The following PDS5B variants were observed in gnomAD, a reference collection of about 807,000 sequenced individuals.
PDS5B encodes sister chromatid cohesion protein PDS5 homolog B.
A neutral mutation model predicts 184.1 loss-of-function variants in PDS5B; 51 were observed. The ratio of observed to expected loss-of-function variants is 0.28; its 90% CI spans 0.22 to 0.35. The LOEUF (loss-of-function observed/expected upper bound fraction) is 0.35, where lower values mean the gene tolerates loss of function less well. PDS5B is among the 10% of genes least tolerant of loss of function. PDS5B has a pLI of 1.00. For missense variants in PDS5B, 1,180 were observed against 1,723.3 expected (o/e 0.68, Z 5.58); for synonymous variants, 566 against 569.2 (o/e 0.99, Z 0.08).
chr13:32,745,856 C>A, intron 23 of PDS5B, 121 bp from the exon 24 acceptor site: 3 of 763,376 alleles, frequency 3.9e-6, no homozygotes, highest in South Asian at 1.8e-5. Flanking sequence ...CACAAACATT[C>A]AGATCACAGC....
intron 19 of PDS5B, among the ~76,000 whole-genome samples, chr13:32,711,797 T>C (rs116072203): frequency 2.0e-3 from 309 of 152,364 alleles, no homozygotes; most frequent in African/African-American, 7.3e-3. Flanking sequence ...CACACATATG[T>C]AGTACGTATA....
intron 6 of PDS5B, among the ~76,000 whole-genome samples, chr13:32,661,948 T>C (rs1160424482): frequency 1.3e-5 from 2 of 152,128 alleles, no homozygotes; most frequent in Non-Finnish European, 2.9e-5. Flanking sequence ...AGTTTGAACT[T>C]TAAATGAACC....
chr13:32,594,496 T>C (rs892378320), intron 1 of PDS5B, among the ~76,000 whole-genome samples: 2 of 152,170 alleles, frequency 1.3e-5, no homozygotes, highest in Non-Finnish European at 2.9e-5. Flanking sequence ...AGTTAGTGCC[T>C]TCAGGAAGGG....
At chr13:32,626,201 G>A (rs1035957859) in intron 1 of PDS5B, among the ~76,000 whole-genome samples, 1 of 152,180 alleles carries the variant, frequency 6.6e-6, no homozygotes, top group African/African-American at 2.4e-5. Flanking sequence ...AAGGTCTGGG[G>A]CACCATAATC....
intron 17 of PDS5B, among the ~76,000 whole-genome samples, chr13:32,702,105 C>T (rs370257155): frequency 1.6e-4 from 24 of 152,070 alleles, no homozygotes; most frequent in African/African-American, 5.8e-4. Flanking sequence ...ACTAGTTAGT[C>T]ATCAGTAGTG....
At chr13:32,670,879 A>G (rs1339128453) in intron 7 of PDS5B, among the ~76,000 whole-genome samples, 1 of 152,206 alleles carries the variant, frequency 6.6e-6, no homozygotes, top group Non-Finnish European at 1.5e-5. Flanking sequence ...TTTAATGTGA[A>G]ATATTTTGTA....
intron 15 of PDS5B, among the ~76,000 whole-genome samples, chr13:32,699,302 C>T (rs1048819349): frequency 1.3e-5 from 2 of 152,110 alleles, no homozygotes; most frequent in African/African-American, 4.8e-5. Flanking sequence ...TGTAAACTCT[C>T]TGGGTTGGTT....
intron 21 of PDS5B, 137 bp downstream of exon 21, chr13:32,735,467 A>G: frequency 1.6e-6 from 1 of 616,724 alleles, no homozygotes; most frequent in Non-Finnish European, 2.7e-6. Context: ...TTTAAAAAAA[A>G]TAAGCCTTGT....
At chr13:32,636,362 A>G (rs1405968454) in intron 1 of PDS5B, among the ~76,000 whole-genome samples, 1 of 152,242 alleles carries the variant, frequency 6.6e-6, no homozygotes, top group Non-Finnish European at 1.5e-5. Context: ...TTACAGAGAT[A>G]GTAGGCAGAA....
chr13:32,677,981 C>G (rs899340822), intron 9 of PDS5B, among the ~76,000 whole-genome samples: 5 of 151,744 alleles, frequency 3.3e-5, no homozygotes, highest in African/African-American at 9.7e-5. Flanking sequence ...TGGAAGAACA[C>G]AGTGCCATCT....
intron 30 of PDS5B, among the ~76,000 whole-genome samples, chr13:32,762,092 T>G (rs1416898619): frequency 7.9e-5 from 12 of 152,212 alleles, no homozygotes; most frequent in Admixed American, 7.9e-4. Context: ...TGGCCATTTG[T>G]CTTCTTTTGA....
chr13:32,602,542 T>C (rs1240485054), intron 1 of PDS5B, among the ~76,000 whole-genome samples: 1 of 152,234 alleles, frequency 6.6e-6, no homozygotes, highest in Non-Finnish European at 1.5e-5. Context: ...TTGTGAATAG[T>C]GCCGCAATAA....
Position 32,753,432 on chromosome 13 carries a change from G to C in PDS5B, c.2837G>C (p.Cys946Ser). ...PLEYMAICAL[C>S]AKDPVKERRA... ...GAGTATATGGCAATCTGTGCCCTTT[G>C]TGCAAAAGATCCTGTAAAGGAGAGA... Residue 946 changes from cysteine (C) to serine (S), a missense_variant, in exon 25 of 35, where the codon TGT (cysteine) becomes TCT (serine). Transcript: ENST00000315596. The C allele has an allele frequency of 6.2e-7, 1 of 1,613,860 alleles. No homozygotes were observed.
intron 19 of PDS5B, among the ~76,000 whole-genome samples, chr13:32,729,025 C>T (rs560379127): frequency 6.6e-6 from 1 of 152,152 alleles, no homozygotes; most frequent in South Asian, 2.1e-4. Flanking sequence ...GTTTACTGCA[C>T]CCATCAACCT....
rs571255746 is a variant in PDS5B at position 32,692,404 on chromosome 13, G to A, written c.1470-1819G>A. ...CTTCTCTTTTATTAAACAAGTTTGC[G>A]TCCAAAAAGCCTTTTTTTTTTTTTT... On this transcript the variant is annotated intron_variant, in intron 13 of 34. Transcript: ENST00000315596. Among the ~76,000 whole-genome samples the A allele has an allele frequency of 3.3e-5, 4 of 121,362 alleles. No homozygotes were observed. In the East Asian group the frequency reaches 9.0e-4, roughly 27 times the overall value. 79.6% of individuals were successfully genotyped at this position (121,362 alleles called of 152,430 possible). A position where few individuals can be genotyped will look rare whatever the true frequency, so the allele number is the denominator to read the frequency against.
intron 12 of PDS5B, 89 bp downstream of exon 12, chr13:32,687,374 T>C: frequency 1.0e-6 from 1 of 966,998 alleles, no homozygotes; most frequent in Non-Finnish European, 1.5e-6. Context: ...CTTTATGACC[T>C]TACACTCCTT....
rs773691423 is a variant in PDS5B at position 32,709,961 on chromosome 13, C to T, written c.1978C>T (p.His660Tyr). ...CATTTTATAGGTACTCTCATTTACA[C>T]ATCCCATCTCATTTCATTCTGCTGA... ...LELLKVLSFT[H>Y]PISFHSAETF... The change falls in exon 19 of 35, where the codon CAT (histidine) becomes TAT (tyrosine). Residue 660 changes from histidine to tyrosine, a missense_variant. Around this residue, in one of 11 missense-constraint regions of PDS5B, gnomAD observed 475 missense variants for 691.5 expected, o/e 0.69. Transcript: ENST00000315596. 6.9e-7 allele frequency: 1 copy of T among 1,450,362 alleles called. No homozygotes were observed. The highest frequency in any genetic ancestry group is 9.2e-7 in the Non-Finnish European group (1 of 1,081,796). 89.8% of individuals were successfully genotyped at this position (1,450,362 alleles called of 1,614,324 possible).
intron 31 of PDS5B, among the ~76,000 whole-genome samples, chr13:32,766,882 C>T (rs1302055919): frequency 6.6e-6 from 1 of 152,070 alleles, no homozygotes; most frequent in Non-Finnish European, 1.5e-5. Context: ...AATCATCTAC[C>T]TTTTTAGATC....
At chr13:32,641,285 C>T (rs950743959) in intron 1 of PDS5B, among the ~76,000 whole-genome samples, 1 of 152,214 alleles carries the variant, frequency 6.6e-6, no homozygotes, top group East Asian at 1.9e-4. Context: ...TGTATCAATA[C>T]CTGTTTTTCA....
Sources: allele counts gnomAD v4.1 joint callset (sites outside exome capture counted in the v4.1 genomes callset), GRCh38; gene constraint gnomAD v4.1.1; regional missense constraint gnomAD v4.1.1; transcripts MANE v1.5; gene names NCBI Gene and HGNC (gene_info 2026-07-23, HGNC 2026-07-21).